The following SPAG17 variants were observed in gnomAD, a reference collection of about 807,000 sequenced individuals.
SPAG17 encodes sperm-associated antigen 17.
Under a neutral mutation model 273.6 loss-of-function variants are expected in SPAG17, and 169 were observed. The observed-to-expected ratio is 0.62, with a 90% CI of 0.55 to 0.70. SPAG17 has a LOEUF of 0.70. Among genes scored for constraint, SPAG17 ranks in the 30% least tolerant of loss-of-function variants. The probability of loss-of-function intolerance (pLI) is 0.00; values close to 1 mark genes in which losing one functional copy is unlikely to be tolerated. For synonymous variants in SPAG17, 825 were observed against 873.2 expected (o/e 0.94, Z 0.97); for missense variants, 2,557 against 2,627.8 (o/e 0.97, Z 0.59).
chr1:117,992,432 A>G lies in SPAG17; in HGVS notation c.5361+34T>C, dbSNP rs371276457. 2.4e-5 allele frequency: 37 copies of G among 1,532,556 alleles called. No individual in the cohort carries two copies. The African/African-American group carries it at 4.5e-4, about 19-fold the overall frequency. The allele number at this position is 1,532,556 out of a possible 1,614,324, so 94.9% of individuals were successfully genotyped here. On this transcript the variant is annotated intron_variant, in intron 36 of 48. Coordinates refer to ENST00000336338, the MANE Select transcript of SPAG17 (RefSeq NM_206996.4). ...AAAAGCAATGATTGCTCTGTTTCTG[A>G]TTCTTTTGGGTCAGGTCACCTAGAT...
intron 20 of SPAG17, among the ~76,000 whole-genome samples, chr1:118,044,797 C>G (rs898949176): frequency 3.3e-5 from 5 of 152,120 alleles, no homozygotes; most frequent in African/African-American, 1.2e-4. Flanking sequence ...CTTCCTCCCG[C>G]TCTAGTCATG....
chr1:118,176,482 T>C (rs550525205), intron 1 of SPAG17, among the ~76,000 whole-genome samples: 10 of 152,238 alleles, frequency 6.6e-5, no homozygotes, highest in Admixed American at 5.9e-4. Flanking sequence ...CACTAAATAA[T>C]GATAAAGATG....
intron 6 of SPAG17, among the ~76,000 whole-genome samples, chr1:118,098,173 C>A (rs907624667): frequency 6.6e-6 from 1 of 152,192 alleles, no homozygotes; most frequent in Admixed American, 6.5e-5. Flanking sequence ...TGACAATCTA[C>A]ATAGGACCAG....
intron 43 of SPAG17, among the ~76,000 whole-genome samples, 165 bp downstream of exon 43, chr1:117,981,105 T>C (rs1655746057): frequency 1.3e-5 from 2 of 152,234 alleles, no homozygotes; most frequent in Admixed American, 6.5e-5. Flanking sequence ...TTGAGATACT[T>C]CGATGTGCTA....
intron 22 of SPAG17, among the ~76,000 whole-genome samples, chr1:118,040,149 T>C (rs1649567243): frequency 2.0e-5 from 3 of 152,194 alleles, no homozygotes; most frequent in African/African-American, 4.8e-5. Flanking sequence ...TCATTTCCCT[T>C]CTTTTTGTTT....
chr1:118,170,062 A>G (rs1348856413), intron 1 of SPAG17, among the ~76,000 whole-genome samples: 5 of 152,178 alleles, frequency 3.3e-5, no homozygotes, highest in Non-Finnish European at 7.4e-5. Context: ...TAATCATCCT[A>G]TGTATCTGCT....
In SPAG17 at chr1:117,994,451, A is replaced by G. The variant is rs12031260; in HGVS notation, c.5133T>C (p.Pro1711=). Residue 1711 remains proline (P), a synonymous_variant, in exon 35 of 49, where the codon CCT becomes CCC. Coordinates refer to ENST00000336338, the MANE Select transcript of SPAG17 (RefSeq NM_206996.4). ...WQVKKEDTIV[P]PNLRSRSWET... Reference sequence around the variant, plus strand: ...CCCATGACCTTGACCGGAGATTAGGAGGGACAATTGTATCTTCCTTTTTTA... The same window carrying G: ...CCCATGACCTTGACCGGAGATTAGGGGGGACAATTGTATCTTCCTTTTTTA... 108,758 of 1,612,560 alleles carry G rather than the reference A, an allele frequency of 0.067. 5,565 individuals are homozygous for G. The highest frequency in any genetic ancestry group is 0.29 in the East Asian group (13,154 of 44,796).
chr1:117,993,748 T>G (rs1356453622), intron 35 of SPAG17, among the ~76,000 whole-genome samples: 1 of 152,234 alleles, frequency 6.6e-6, no homozygotes, highest in Non-Finnish European at 1.5e-5. Context: ...CTTCACTGAT[T>G]TAATTATTTA....
At chr1:117,962,276 T>C (rs762080459) in intron 48 of SPAG17, 7 of 152,218 alleles carry the variant, frequency 4.6e-5, no homozygotes, top group Non-Finnish European at 8.8e-5. Context: ...TCTTTAACTC[T>C]AAAAGTTTAA....
At chr1:118,097,274 T>C (rs1386168262) in intron 7 of SPAG17, among the ~76,000 whole-genome samples, 3 of 150,818 alleles carry the variant, frequency 2.0e-5, no homozygotes, top group African/African-American at 7.3e-5. Flanking sequence ...AGAAAAGCAA[T>C]GTATGAACTG....
chr1:118,184,540 T>C (rs1397164460), intron 1 of SPAG17, among the ~76,000 whole-genome samples: 2 of 152,126 alleles, frequency 1.3e-5, no homozygotes, highest in Non-Finnish European at 2.9e-5. Context: ...TGTCAAAACT[T>C]TAATATAGTG....
intron 46 of SPAG17, among the ~76,000 whole-genome samples, 164 bp downstream of exon 46, chr1:117,969,892 G>C (rs1654352177): frequency 6.6e-6 from 1 of 152,116 alleles, no homozygotes; most frequent in South Asian, 2.1e-4. Flanking sequence ...GCCACATACT[G>C]TATCACTACG....
At chr1:117,988,530 A>G (rs954188495) in intron 38 of SPAG17, among the ~76,000 whole-genome samples, 2 of 152,210 alleles carry the variant, frequency 1.3e-5, no homozygotes, top group Admixed American at 1.3e-4. Flanking sequence ...AATTAACCAT[A>G]ACATTGAAAT....
At chr1:118,028,765 C>T (rs905931017) in intron 25 of SPAG17, among the ~76,000 whole-genome samples, 8 of 152,064 alleles carry the variant, frequency 5.3e-5, no homozygotes, top group African/African-American at 1.9e-4. Context: ...TGTTGGTGTC[C>T]CCCATCCAAA....
chr1:118,067,079 T>A (rs773330245), intron 17 of SPAG17, among the ~76,000 whole-genome samples, 180 bp from the exon 18 acceptor site: 1 of 152,202 alleles, frequency 6.6e-6, no homozygotes, highest in African/African-American at 2.4e-5. Context: ...AAATGGTAGC[T>A]AGCTTGGGAA....
intron 1 of SPAG17, among the ~76,000 whole-genome samples, chr1:118,161,390 A>C (rs1250648960): frequency 6.6e-6 from 1 of 152,162 alleles, no homozygotes; most frequent in African/African-American, 2.4e-5. Flanking sequence ...TAAAAGTATT[A>C]ATCAAGATCA....
chr1:118,025,384 C>G lies in SPAG17; in HGVS notation c.3763G>C (p.Asp1255His). 6.3e-7 allele frequency: 1 copy of G among 1,599,454 alleles called. No individual in the cohort carries two copies. ...GGGTAGCTCTGACGGACCATGATGT[C>G]CCAGGTGGGTTCCTCATCTATAACA... ...QYVIDEEPTWDIMVRQSYPQR... is the reference protein window; with the variant it reads ...QYVIDEEPTWHIMVRQSYPQR... The change falls in exon 27 of 49, where the codon GAC (aspartate) becomes CAC (histidine). Residue 1255 changes from aspartate to histidine, a missense_variant. By Grantham distance (81) the Asp-to-His change is moderately conservative. Transcript: ENST00000336338.
chr1:117,977,155 CAAAAA>C (rs5777331), intron 43 of SPAG17, among the ~76,000 whole-genome samples: 3 of 141,306 alleles, frequency 2.1e-5, no homozygotes, highest in Non-Finnish European at 3.1e-5. Context: ...ACTAAAAATA[CAAAAA>C]AAAAAAAAAA....
intron 46 of SPAG17, among the ~76,000 whole-genome samples, chr1:117,968,770 G>A (rs908818327): frequency 3.9e-5 from 6 of 152,166 alleles, no homozygotes; most frequent in Non-Finnish European, 8.8e-5. Flanking sequence ...GGAGCATTGG[G>A]TGCTTGTTAA....
Sources: allele counts gnomAD v4.1 joint callset (sites outside exome capture counted in the v4.1 genomes callset), GRCh38; gene constraint gnomAD v4.1.1; transcripts MANE v1.5; gene names NCBI Gene and HGNC (gene_info 2026-07-23, HGNC 2026-07-21).